The following STIP1 variants were observed in gnomAD, a reference collection of about 807,000 sequenced individuals.
STIP1 encodes the protein stress induced phosphoprotein 1.
STIP1 carries 16 observed loss-of-function variants against 77.4 expected under a neutral mutation model. That is an observed-to-expected ratio of 0.21 (90% confidence interval 0.14 to 0.31). The LOEUF is 0.31. Ranked by LOEUF, STIP1 falls within the 10% of genes least tolerant of loss-of-function variation. STIP1 has a pLI of 1.00. For synonymous variants in STIP1, 258 were observed against 246.6 expected (o/e 1.05, Z -0.44); for missense variants, 524 against 684.8 (o/e 0.77, Z 2.62).
chr11:64,198,080 A>G, intron 8 of STIP1, 106 bp downstream of exon 8: 1 of 1,314,716 alleles, frequency 7.6e-7, no homozygotes, highest in Non-Finnish European at 1.0e-6. Flanking sequence ...TTTTTTTGAG[A>G]TAGGGTCTCA....
At chr11:64,189,946 C>T (rs1946072902) in intron 1 of STIP1, among the ~76,000 whole-genome samples, 1 of 151,116 alleles carries the variant, frequency 6.6e-6, no homozygotes, top group South Asian at 2.1e-4. Flanking sequence ...TCTGTAAGGT[C>T]TCTGATTGAT....
chr11:64,202,855 CT>C lies in STIP1; in HGVS notation c.1246-18del, dbSNP rs1454721892. On this transcript the variant is annotated intron_variant, in intron 10 of 13. Transcript: ENST00000305218. ...TTGTCCAAGGGAATGAGCCTAATTT[CT>C]TTCTGTTGCTTCATTCTAGGACTGT... 1 of 1,614,032 alleles carries C rather than the reference CT, an allele frequency of 6.2e-7. No homozygotes were observed. Among genetic ancestry groups the C allele is most frequent in the African/African-American group, 1.3e-5 (1 of 74,934 alleles).
At chr11:64,200,651 C>G (rs73500139) in intron 10 of STIP1, among the ~76,000 whole-genome samples, 2,842 of 151,272 alleles carry the variant, frequency 0.019, 114 homozygotes, top group African/African-American at 0.066. Flanking sequence ...CTGTATCTAT[C>G]TAACTGGTCC....
chr11:64,188,686 A>G (rs1466350057), intron 1 of STIP1, among the ~76,000 whole-genome samples: 1 of 152,168 alleles, frequency 6.6e-6, no homozygotes. Context: ...CCTGGTCTTA[A>G]AATGTTTGTT....
chr11:64,190,389 G>A (rs554423599), intron 1 of STIP1, among the ~76,000 whole-genome samples: 2 of 152,030 alleles, frequency 1.3e-5, no homozygotes, highest in African/African-American at 4.8e-5. Flanking sequence ...GTTGAGGCTG[G>A]TCTCGAACTC....
intron 6 of STIP1, 32 bp downstream of exon 6, chr11:64,197,429 G>C: frequency 6.2e-7 from 1 of 1,614,122 alleles, no homozygotes; most frequent in Non-Finnish European, 8.5e-7. Flanking sequence ...CAAGGGAATT[G>C]TTGGGTGTCT....
intron 1 of STIP1, among the ~76,000 whole-genome samples, chr11:64,189,174 A>G (rs959137480): frequency 6.6e-6 from 1 of 152,228 alleles, no homozygotes; most frequent in African/African-American, 2.4e-5. Flanking sequence ...CAGCCTGGCC[A>G]ATATGGTGAA....
intron 1 of STIP1, chr11:64,186,668 T>G: frequency 1.1e-5 from 2 of 176,760 alleles, no homozygotes; most frequent in Non-Finnish European, 2.4e-5. Flanking sequence ...ACCCGCGAGG[T>G]AGCCCTCCGG....
In STIP1 at chr11:64,186,225, G is replaced by C. The variant is rs199498022; in HGVS notation, c.-37G>C. On this transcript the variant is annotated 5_prime_UTR_variant, in exon 1 of 14. Coordinates refer to ENST00000305218, the MANE Select transcript of STIP1 (RefSeq NM_006819.3). The stretch of plus-strand genomic sequence containing the variant: ...GTGCGGTTGGGAACGCGGAGCGGAC[G>C]GATTCGATTCAACGGGGTTCCGGAC... 1.1e-4 allele frequency: 164 copies of C among 1,550,488 alleles called. No homozygotes were observed. The East Asian group carries it at 1.7e-3, about 16-fold the overall frequency.
chr11:64,203,879 A>T, intron 13 of STIP1, 175 bp from the exon 14 acceptor site: 1 of 830,486 alleles, frequency 1.2e-6, no homozygotes, highest in Non-Finnish European at 1.9e-6. Flanking sequence ...GCTCAAGAGT[A>T]GGACTGGCAA....
rs1376781312 is a variant in STIP1, at chr11:64,186,250, C to T, written c.-12C>T. ...GGATTCGATTCAACGGGGTTCCGGA[C>T]CGCGCTGCGCTATGGAGCAGGTGAA... is the stretch of plus-strand genomic sequence containing the variant. On this transcript the variant is annotated 5_prime_UTR_variant, in exon 1 of 14. Transcript: ENST00000305218. The T allele has an allele frequency of 6.5e-7, 1 of 1,548,584 alleles. No homozygotes were observed. Among genetic ancestry groups the T allele is most frequent in the African/African-American group, 1.4e-5 (1 of 72,972 alleles).
At chr11:64,194,920 G>A (rs978406177) in intron 4 of STIP1, among the ~76,000 whole-genome samples, 3 of 152,126 alleles carry the variant, frequency 2.0e-5, no homozygotes, top group East Asian at 1.9e-4. Flanking sequence ...TTCTCTGTTG[G>A]TATATCAGAG....
At chr11:64,191,355 C>A (rs1310676747) in intron 1 of STIP1, among the ~76,000 whole-genome samples, 1 of 151,956 alleles carries the variant, frequency 6.6e-6, no homozygotes, top group Non-Finnish European at 1.5e-5. Flanking sequence ...CGCCTGTAAT[C>A]CCAGCACTTT....
chr11:64,197,618 C>A, intron 7 of STIP1, 23 bp downstream of exon 7: 1 of 1,612,784 alleles, frequency 6.2e-7, no homozygotes, highest in Non-Finnish European at 8.5e-7. Flanking sequence ...TTCCAGAATA[C>A]CTTGAGTAGC....
intron 1 of STIP1, 113 bp downstream of exon 1, chr11:64,186,383 TG>T (rs1946017440): frequency 7.6e-6 from 1 of 131,448 alleles, no homozygotes; most frequent in Non-Finnish European, 1.1e-5. Flanking sequence ...AGCTCGGCGC[TG>T]GGGCCGGACG....
chr11:64,188,177 T>G (rs1946048522), intron 1 of STIP1, among the ~76,000 whole-genome samples: 1 of 151,556 alleles, frequency 6.6e-6, no homozygotes, highest in South Asian at 2.1e-4. Context: ...TGAAACCCCC[T>G]CTCTACTAAA....
In STIP1 at chr11:64,193,175, A is replaced by G; in HGVS notation, c.107A>G (p.His36Arg). The change falls in exon 2 of 14, where the codon CAC becomes CGC. Residue 36 changes from histidine (H) to arginine (R), a missense_variant. Transcript: ENST00000305218. Reference protein sequence around the residue: ...CYSEAIKLDPHNHVLYSNRSA... With the variant: ...CYSEAIKLDPRNHVLYSNRSA... ...TCCGAAGCTATTAAGCTGGATCCCC[A>G]CAACCACGTGCTGTACAGCAACCGT... 6.2e-7 allele frequency: 1 copy of G among 1,614,220 alleles called. No homozygotes were observed. Among genetic ancestry groups the G allele is most frequent in the Non-Finnish European group, 8.5e-7 (1 of 1,180,044 alleles).
At chr11:64,190,456 G>C (rs1320651429) in intron 1 of STIP1, among the ~76,000 whole-genome samples, 2 of 151,952 alleles carry the variant, frequency 1.3e-5, no homozygotes, top group African/African-American at 4.8e-5. Context: ...TTACAGGCGT[G>C]AGCCACTGCA....
At chr11:64,191,314 A>C (rs567780450) in intron 1 of STIP1, among the ~76,000 whole-genome samples, 18 of 152,222 alleles carry the variant, frequency 1.2e-4, no homozygotes, top group South Asian at 4.1e-4. Context: ...ATCTTTAAAA[A>C]AAAATAAATA....
Sources: allele counts gnomAD v4.1 joint callset (sites outside exome capture counted in the v4.1 genomes callset), GRCh38; gene constraint gnomAD v4.1.1; transcripts MANE v1.5; gene names NCBI Gene and HGNC (gene_info 2026-07-23, HGNC 2026-07-21).